The following PCDHA1 variants were observed in gnomAD, a reference collection of about 807,000 sequenced individuals.
PCDHA1 encodes the protein protocadherin alpha 1.
In PCDHA1, 42 loss-of-function variants were observed where a neutral mutation model predicts 61.3. The observed-to-expected ratio is 0.69, with a 90% confidence interval of 0.54 to 0.89. The LOEUF (loss-of-function observed/expected upper bound fraction) is 0.89. Ranked by LOEUF, PCDHA1 falls within the 40% of genes least tolerant of loss-of-function variation. The probability of loss-of-function intolerance (pLI) is 0.00; values close to 1 mark genes in which losing one functional copy is unlikely to be tolerated. For synonymous variants in PCDHA1, 610 were observed against 553.8 expected (o/e 1.10, Z -1.43); for missense variants, 1,256 against 1,235.3 (o/e 1.02, Z -0.25).
At chr5:140,791,407 A>G (rs539308798) in intron 1 of PCDHA1, among the ~76,000 whole-genome samples, 1 of 152,370 alleles carries the variant, frequency 6.6e-6, no homozygotes, top group African/African-American at 2.4e-5. Context: ...CTGAGCCAAC[A>G]TGTGGAGAAA....
At chr5:140,856,242 T>C (rs1202551683) in intron 1 of PCDHA1, 3 of 1,597,874 alleles carry the variant, frequency 1.9e-6, no homozygotes, top group Admixed American at 1.7e-5. Flanking sequence ...CTGTTCCGGG[T>C]GGCGTCCAAA....
At chr5:140,809,921 C>G (rs1554125382) in intron 1 of PCDHA1, 1 of 174,240 alleles carries the variant, frequency 5.7e-6, no homozygotes, top group African/African-American at 2.4e-5. Flanking sequence ...AATAATAAAG[C>G]TCCATAAATT....
chr5:140,897,199 A>G (rs760377746), intron 1 of PCDHA1, among the ~76,000 whole-genome samples: 1 of 152,030 alleles, frequency 6.6e-6, no homozygotes, highest in Admixed American at 6.6e-5. Flanking sequence ...TTTTTTTATT[A>G]TACTTTAAGT....
intron 1 of PCDHA1, among the ~76,000 whole-genome samples, chr5:140,971,488 A>AG (rs1338536132): frequency 1.3e-5 from 2 of 152,222 alleles, no homozygotes; most frequent in African/African-American, 4.8e-5. Flanking sequence ...ACATTGTTAC[A>AG]GTGTGGCAAG....
chr5:140,883,126 G>A (rs781992873), intron 1 of PCDHA1: 2 of 1,614,036 alleles, frequency 1.2e-6, no homozygotes, highest in South Asian at 1.1e-5. Context: ...GGCCTGTATG[G>A]CCTGCAGTGG....
chr5:140,976,798 A>G (rs571590033), intron 1 of PCDHA1, among the ~76,000 whole-genome samples: 169 of 152,368 alleles, frequency 1.1e-3, no homozygotes, highest in Admixed American at 1.8e-3. Context: ...GCTTTTATGA[A>G]TATCTGAAGA....
Position 140,850,710 on chromosome 5 carries a change from C to T in PCDHA1, c.2394+62026C>T, listed in dbSNP as rs149535933. The T allele has an allele frequency of 3.1e-6, 5 of 1,597,920 alleles. No homozygotes were observed. The African/African-American group carries it at 6.7e-5, about 22-fold the overall frequency. On this transcript the variant is annotated intron_variant, in intron 1 of 3. Coordinates refer to ENST00000504120, the MANE Select transcript of PCDHA1 (RefSeq NM_018900.4). ...CGAGTGCGCGCCTGGCAAGCCGACG[C>T]TGGTGTGTTCTAGCGCGGTGGGGAG... is the stretch of plus-strand genomic sequence containing the variant.
intron 1 of PCDHA1, chr5:140,870,708 C>A (rs781841032): frequency 1.9e-6 from 3 of 1,613,016 alleles, no homozygotes; most frequent in East Asian, 4.5e-5. Context: ...TCCAGGTGAG[C>A]GCGCGCGATG....
At chr5:140,816,848 C>T (rs1304434378) in intron 1 of PCDHA1, 1 of 151,714 alleles carries the variant, frequency 6.6e-6, no homozygotes, top group East Asian at 1.9e-4. Context: ...GTGTGCTGTA[C>T]TGTGGGCCCT....
At chr5:140,949,203 T>C (rs879971307) in intron 1 of PCDHA1, among the ~76,000 whole-genome samples, 13 of 151,790 alleles carry the variant, frequency 8.6e-5, no homozygotes, top group East Asian at 1.9e-4. Flanking sequence ...TTCAGTCTTT[T>C]AAAAATCTGT....
intron 1 of PCDHA1, chr5:140,797,207 G>A: frequency 1.2e-6 from 2 of 1,614,194 alleles, no homozygotes; most frequent in Non-Finnish European, 1.7e-6. Context: ...GTGGGGAGCT[G>A]GTCTTACTCG....
At chr5:140,959,583 A>G (rs529440681) in intron 1 of PCDHA1, among the ~76,000 whole-genome samples, 10 of 152,332 alleles carry the variant, frequency 6.6e-5, no homozygotes, top group Admixed American at 1.3e-4. Flanking sequence ...TTTCAATTCT[A>G]TCAGCCAAGT....
In PCDHA1 at chr5:140,858,166, C is replaced by T. The variant is rs781812057; in HGVS notation, c.2394+69482C>T. 1.9e-6 allele frequency: 3 copies of T among 1,597,908 alleles called. 1 individual carries two copies. The South Asian group carries it at 3.3e-5, about 18-fold the overall frequency. On this transcript the variant is annotated intron_variant, in intron 1 of 3. Transcript: ENST00000504120. ...TGATCATCGCCATCTGCGCGGTGTC[C>T]AGCTTGCTGGTGCTCACGCTGCTGC...
intron 1 of PCDHA1, chr5:140,796,594 C>T: frequency 6.2e-7 from 1 of 1,612,524 alleles, no homozygotes; most frequent in Non-Finnish European, 8.5e-7. Context: ...GGGCGTGCCG[C>T]CTCTGGGCAG....
At chr5:140,923,480 C>G (rs1554201462) in intron 1 of PCDHA1, among the ~76,000 whole-genome samples, 1 of 152,064 alleles carries the variant, frequency 6.6e-6, no homozygotes, top group African/African-American at 2.4e-5. Context: ...AGTGAGCCAT[C>G]TTCACACCAC....
In PCDHA1 at chr5:140,843,229, C is replaced by T. The variant is rs2150355539; in HGVS notation, c.2394+54545C>T. ...CGGGCGAGATCAGCACCACTCGTGT[C>T]CTGGACGAAGCGGACTCTCCGCGCC... is the stretch of plus-strand genomic sequence containing the variant. On this transcript the variant is annotated intron_variant, in intron 1 of 3. Transcript: ENST00000504120. The T allele has an allele frequency of 3.8e-6, 6 of 1,596,144 alleles. 1 individual carries two copies. Among genetic ancestry groups the T allele is most frequent in the East Asian group, 4.5e-5 (2 of 44,818 alleles).
chr5:140,836,612 C>G, intron 1 of PCDHA1: 2 of 1,613,634 alleles, frequency 1.2e-6, no homozygotes, highest in Non-Finnish European at 1.7e-6. Flanking sequence ...TGTGCTCCAG[C>G]GCGGTGGGGA....
intron 3 of PCDHA1, among the ~76,000 whole-genome samples, chr5:140,994,668 G>A (rs2097644296): frequency 6.6e-6 from 1 of 152,118 alleles, no homozygotes; most frequent in Admixed American, 6.5e-5. Context: ...TCACACTACT[G>A]CACTCCAGCC....
intron 1 of PCDHA1, among the ~76,000 whole-genome samples, chr5:140,820,722 AC>A (rs1367425301): frequency 6.6e-6 from 1 of 152,090 alleles, no homozygotes; most frequent in Non-Finnish European, 1.5e-5. Context: ...ATTTACTGGA[AC>A]CTAAACATTT....
Sources: allele counts gnomAD v4.1 joint callset (sites outside exome capture counted in the v4.1 genomes callset), GRCh38; gene constraint gnomAD v4.1.1; transcripts MANE v1.5; gene names NCBI Gene and HGNC (gene_info 2026-07-23, HGNC 2026-07-21).